Variants in STXBP5L observed in about 807,000 individuals in gnomAD.
STXBP5L encodes syntaxin-binding protein 5-like.
A neutral mutation model predicts 144.5 loss-of-function variants in STXBP5L; 65 were observed. That is an observed-to-expected ratio of 0.45 (90% confidence interval 0.37 to 0.55). The LOEUF is 0.55. STXBP5L is among the 20% of genes least tolerant of loss of function. The pLI, the probability that STXBP5L is intolerant of heterozygous loss-of-function variation, is 0.00. For synonymous variants in STXBP5L, 505 were observed against 469.6 expected (o/e 1.08, Z -0.97); for missense variants, 1,298 against 1,405.5 (o/e 0.92, Z 1.22).
chr3:121,087,142 A>T (rs2042539100), intron 5 of STXBP5L, among the ~76,000 whole-genome samples: 1 of 152,082 alleles, frequency 6.6e-6, no homozygotes, highest in South Asian at 2.1e-4. Context: ...TATGCTAGAA[A>T]AATAATGTCT....
At chr3:120,981,676 G>T (rs1941787445) in intron 3 of STXBP5L, among the ~76,000 whole-genome samples, 1 of 152,012 alleles carries the variant, frequency 6.6e-6, no homozygotes, top group African/African-American at 2.4e-5. Context: ...CTTTATCTTT[G>T]AATTTTCATT....
chr3:121,209,281 A>C (rs2048461979), intron 10 of STXBP5L, among the ~76,000 whole-genome samples: 1 of 152,178 alleles, frequency 6.6e-6, no homozygotes. Context: ...CTTTGGATAC[A>C]TAACCAGAAA....
chr3:121,063,652 G>C (rs2041396725), intron 5 of STXBP5L, among the ~76,000 whole-genome samples: 1 of 152,210 alleles, frequency 6.6e-6, no homozygotes, highest in Admixed American at 6.5e-5. Flanking sequence ...ATAAGCCCCA[G>C]ACTGGGGCTG....
chr3:121,089,822 C>T (rs1266040164), intron 5 of STXBP5L, among the ~76,000 whole-genome samples: 1 of 152,002 alleles, frequency 6.6e-6, no homozygotes, highest in African/African-American at 2.4e-5. Flanking sequence ...ATCCTCTAGG[C>T]CACTGGCTCT....
intron 5 of STXBP5L, chr3:121,049,735 T>C (rs1374483860): frequency 6.5e-6 from 1 of 154,280 alleles, no homozygotes; most frequent in Non-Finnish European, 1.5e-5. Context: ...TTCAGCCACA[T>C]GGATTCAGCC....
intron 5 of STXBP5L, among the ~76,000 whole-genome samples, chr3:121,095,597 A>C (rs1044710239): frequency 2.6e-5 from 4 of 151,904 alleles, no homozygotes; most frequent in Non-Finnish European, 5.9e-5. Flanking sequence ...AAGCTTGTGC[A>C]TTCATCATAT....
chr3:121,330,913 G>A (rs1444164378), intron 20 of STXBP5L, among the ~76,000 whole-genome samples: 4 of 152,152 alleles, frequency 2.6e-5, no homozygotes, highest in East Asian at 1.9e-4. Flanking sequence ...TATATCACTC[G>A]CCTGTCACCA....
At chr3:121,005,658 G>T (rs1576636366) in intron 3 of STXBP5L, among the ~76,000 whole-genome samples, 1 of 151,914 alleles carries the variant, frequency 6.6e-6, no homozygotes, top group African/African-American at 2.4e-5. Context: ...TGTCAATTTT[G>T]GATCTTTCCT....
chr3:120,912,005 G>A (rs77991103), intron 2 of STXBP5L, among the ~76,000 whole-genome samples: 178 of 151,970 alleles, frequency 1.2e-3, no homozygotes, highest in African/African-American at 4.2e-3. Context: ...TTTCAACATG[G>A]GCAAAACTAA....
At chr3:120,922,069 C>T (rs1268753885) in intron 2 of STXBP5L, among the ~76,000 whole-genome samples, 3 of 151,890 alleles carry the variant, frequency 2.0e-5, no homozygotes, top group Admixed American at 6.6e-5. Context: ...GTCATTTTAA[C>T]AATATTAATT....
Position 121,400,758 on chromosome 3 carries a change from C to A in STXBP5L, c.2588-6485C>A, listed in dbSNP as rs572111400. 3.6e-4 allele frequency among the ~76,000 whole-genome samples: 55 copies of A among 152,254 alleles called. No homozygotes were observed. In the South Asian group the frequency reaches 0.01, roughly 28 times the overall value. On this transcript the variant is annotated intron_variant, in intron 22 of 26. Transcript: ENST00000471454. ...ATGACCCTGTCTTCCACCTTCCAAC[C>A]TTCCTGAGACTGACTGGTTTGTCTC...
chr3:121,122,308 A>G (rs1407345457), intron 7 of STXBP5L, among the ~76,000 whole-genome samples: 1 of 151,006 alleles, frequency 6.6e-6, no homozygotes, highest in East Asian at 1.9e-4. Context: ...CCTATCAAAA[A>G]TCAAACCTGA....
chr3:120,951,592 G>A (rs918167667), intron 2 of STXBP5L, among the ~76,000 whole-genome samples: 4 of 152,106 alleles, frequency 2.6e-5, no homozygotes, highest in African/African-American at 9.7e-5. Context: ...ATGCAAATCA[G>A]AACCACAATG....
chr3:121,034,496 A>G (rs28471020), intron 3 of STXBP5L, among the ~76,000 whole-genome samples: 1 of 152,160 alleles, frequency 6.6e-6, no homozygotes, highest in South Asian at 2.1e-4. Flanking sequence ...TCCATTATAT[A>G]TCTCTCTATA....
chr3:121,358,921 A>G (rs1289344116), intron 20 of STXBP5L, among the ~76,000 whole-genome samples: 1 of 152,102 alleles, frequency 6.6e-6, no homozygotes, highest in Non-Finnish European at 1.5e-5. Flanking sequence ...TTCCAAATAT[A>G]GGATAGTAGA....
At chr3:120,986,208 C>G (rs1394323844) in intron 3 of STXBP5L, among the ~76,000 whole-genome samples, 1 of 151,814 alleles carries the variant, frequency 6.6e-6, no homozygotes, top group Non-Finnish European at 1.5e-5. Flanking sequence ...TGCAGTTTTA[C>G]ATCTGTTGAT....
intron 7 of STXBP5L, among the ~76,000 whole-genome samples, chr3:121,131,527 A>G (rs1449418131): frequency 2.0e-5 from 3 of 152,194 alleles, no homozygotes; most frequent in Non-Finnish European, 4.4e-5. Flanking sequence ...GCCTGTTATT[A>G]TTTTAAATAA....
intron 3 of STXBP5L, among the ~76,000 whole-genome samples, chr3:120,972,421 T>C (rs1576528507): frequency 1.3e-5 from 2 of 152,162 alleles, no homozygotes; most frequent in East Asian, 3.8e-4. Context: ...ATGATTTTTA[T>C]ATTCTGAAAC....
chr3:121,420,684 T>C lies in STXBP5L; in HGVS notation c.*1587T>C, dbSNP rs1420151972. The C allele has an allele frequency of 6.6e-6, 1 of 152,144 alleles. No homozygotes were observed. The highest frequency in any genetic ancestry group is 2.1e-4 in the South Asian group (1 of 4,824). The allele number at this position is 152,144 out of a possible 1,614,324, so 9.4% of individuals were successfully genotyped here. ...AAAAGTTTTAATTATGGTTTTGGCTTATTGAATTTTTGTTTATCAAGGTCT... is the reference window on the plus strand; with the variant it reads ...AAAAGTTTTAATTATGGTTTTGGCTCATTGAATTTTTGTTTATCAAGGTCT... On this transcript the variant is annotated 3_prime_UTR_variant, in exon 27 of 27. Transcript: ENST00000471454.
Sources: gnomAD v4.1 joint callset for allele counts (sites outside exome capture counted in the v4.1 genomes callset) on GRCh38, gnomAD v4.1.1 for gene constraint, MANE v1.5 for transcripts, NCBI Gene and HGNC (gene_info 2026-07-23, HGNC 2026-07-21) for gene names.